SLC35F3: variants seen among roughly 807,000 people sequenced by gnomAD.
SLC35F3 encodes the protein putative thiamine transporter SLC35F3.
In SLC35F3, 25 loss-of-function variants were observed where a neutral mutation model predicts 49.9. That is an observed-to-expected ratio of 0.50 (90% CI 0.37 to 0.70). The LOEUF (loss-of-function observed/expected upper bound fraction) is 0.70, where lower values mean the gene tolerates loss of function less well. Among genes scored for constraint, SLC35F3 ranks in the 30% least tolerant of loss-of-function variants. The pLI is 0.00. For synonymous variants in SLC35F3, 275 were observed against 265.4 expected, an observed-to-expected ratio of 1.04 and a Z score of -0.35; for missense variants, 525 against 639.8, an observed-to-expected ratio of 0.82 and a Z score of 1.94.
chr1:234,138,009 A>G (rs2102901562), intron 2 of SLC35F3, among the ~76,000 whole-genome samples: 1 of 152,294 alleles, frequency 6.6e-6, no homozygotes, highest in South Asian at 2.1e-4. Flanking sequence ...TTAATAAGAA[A>G]GTTGCCAACA....
chr1:234,294,861 G>A (rs1256718309), intron 3 of SLC35F3, among the ~76,000 whole-genome samples: 1 of 152,120 alleles, frequency 6.6e-6, no homozygotes, highest in East Asian at 1.9e-4. Context: ...GTGGGAGGGA[G>A]GGAGGCACAG....
intron 3 of SLC35F3, among the ~76,000 whole-genome samples, chr1:234,281,084 C>G (rs1436736814): frequency 6.6e-6 from 1 of 150,824 alleles, no homozygotes; most frequent in Non-Finnish European, 1.5e-5. Context: ...AATTGTGTCC[C>G]CCCCCCATGC....
At position 234,032,681 on chromosome 1, in the gene SLC35F3, A is replaced by T. The variant is rs140501771; in HGVS notation, c.283+126923A>T. 3.9e-4 allele frequency among the ~76,000 whole-genome samples: 59 copies of T among 152,326 alleles called. 1 individual carries two copies. In the East Asian group the frequency reaches 5.2e-3, roughly 13 times the overall value. On this transcript the variant is annotated intron_variant, in intron 2 of 7. Coordinates refer to ENST00000366618, the MANE Select transcript of SLC35F3 (RefSeq NM_173508.4). The stretch of plus-strand genomic sequence containing the variant: ...TTCCATCCAAGTTGCTGCAAATGCC[A>T]TTATTTCATTCCTTTTTGTGGCTGA...
intron 2 of SLC35F3, among the ~76,000 whole-genome samples, chr1:233,995,131 C>T (rs186302431): frequency 4.5e-4 from 68 of 152,262 alleles, no homozygotes; most frequent in Non-Finnish European, 7.4e-4. Flanking sequence ...AAATGTTAAC[C>T]GTCATCAACA....
intron 2 of SLC35F3, among the ~76,000 whole-genome samples, chr1:233,994,184 T>C (rs1432818327): frequency 1.3e-5 from 2 of 152,208 alleles, no homozygotes; most frequent in East Asian, 1.9e-4. Flanking sequence ...AGAGTAGCAA[T>C]TATATTAATG....
chr1:234,323,184 G>C lies in SLC35F3; in HGVS notation c.1414G>C (p.Asp472His). The C allele has an allele frequency of 6.2e-7, 1 of 1,614,132 alleles. No individual in the cohort carries two copies. The highest frequency in any genetic ancestry group is 1.7e-5 in the Admixed American group (1 of 60,028). Residue 472 changes from aspartate to histidine, a missense_variant, in exon 8 of 8, where the codon GAC becomes CAC. Transcript: ENST00000366618. This position sits in a 1 kb window ranked among gnomAD's most constrained non-coding sequence, Gnocchi z 4.5. Reference protein sequence around the residue: ...KKEEPAEGAADLSSGPQSKNR... With the variant: ...KKEEPAEGAAHLSSGPQSKNR... ...GGAGGAGCCTGCAGAGGGCGCTGCC[G>C]ACCTGAGCTCAGGACCTCAGAGCAA...
chr1:234,233,543 T>A (rs1667417235), intron 3 of SLC35F3, among the ~76,000 whole-genome samples: 2 of 152,240 alleles, frequency 1.3e-5, no homozygotes, highest in African/African-American at 4.8e-5. Flanking sequence ...ACCATTAAAC[T>A]ATTGTGCTGA....
At chr1:233,937,935 A>G (rs945585616) in intron 2 of SLC35F3, among the ~76,000 whole-genome samples, 1 of 152,130 alleles carries the variant, frequency 6.6e-6, no homozygotes, top group Non-Finnish European at 1.5e-5. Flanking sequence ...ATGTTCAGGT[A>G]GTGATGTCCG....
chr1:234,217,586 T>TGAGGGGGGCCTTTCTGA (rs1195327208), intron 2 of SLC35F3, among the ~76,000 whole-genome samples: 1 of 150,894 alleles, frequency 6.6e-6, no homozygotes. Flanking sequence ...GAATACTTTC[T>TGAGGGGGGCCTTTCTGA]GAGGGGGGCC....
At chr1:234,121,389 C>T (rs979223755) in intron 2 of SLC35F3, among the ~76,000 whole-genome samples, 1 of 151,938 alleles carries the variant, frequency 6.6e-6, no homozygotes, top group Non-Finnish European at 1.5e-5. Flanking sequence ...CCGCCCGCCT[C>T]GGCCTCCCAA....
rs1301695596 is a variant in SLC35F3 at position 234,231,294 on chromosome 1, T to C, written c.284-123T>C. 2 of 809,632 alleles carry C rather than the reference T, an allele frequency of 2.5e-6. No individual in the cohort carries two copies. Among genetic ancestry groups the C allele is most frequent in the Non-Finnish European group, 3.8e-6 (2 of 532,682 alleles). 50.2% of individuals were successfully genotyped at this position (809,632 alleles called of 1,614,324 possible). ...ACACAGCCGCCCTGGAAGCCGCCCC[T>C]GCACCCGCTATCTCCCCGGGCCCCC... On this transcript the variant is annotated intron_variant, in intron 2 of 7. Coordinates refer to ENST00000366618, the MANE Select transcript of SLC35F3 (RefSeq NM_173508.4). This position sits in a 1 kb window ranked among gnomAD's most constrained non-coding sequence, Gnocchi z 5.4.
intron 2 of SLC35F3, among the ~76,000 whole-genome samples, chr1:234,167,787 A>C (rs1292799430): frequency 1.3e-5 from 2 of 152,138 alleles, no homozygotes; most frequent in Non-Finnish European, 1.5e-5. Flanking sequence ...CATTGATCCC[A>C]TTCTACAGAT....
At chr1:234,199,055 C>CA (rs58267652) in intron 2 of SLC35F3, among the ~76,000 whole-genome samples, 5,493 of 137,714 alleles carry the variant, frequency 0.04, 163 homozygotes, top group Admixed American at 0.096. Context: ...CTTATTTCTA[C>CA]AAAAAAAAAA....
chr1:234,206,468 G>T (rs895879137), intron 2 of SLC35F3, among the ~76,000 whole-genome samples: 1 of 134,956 alleles, frequency 7.4e-6, no homozygotes, highest in Non-Finnish European at 1.6e-5. Context: ...CTGGGGGTGG[G>T]GGGGACTATT....
At chr1:233,985,414 T>G (rs1292724537) in intron 2 of SLC35F3, among the ~76,000 whole-genome samples, 3 of 152,240 alleles carry the variant, frequency 2.0e-5, no homozygotes, top group Non-Finnish European at 4.4e-5. Flanking sequence ...GATCTTATTT[T>G]TATTGAATCT....
At chr1:233,966,975 G>A (rs1358243113) in intron 2 of SLC35F3, among the ~76,000 whole-genome samples, 1 of 152,152 alleles carries the variant, frequency 6.6e-6, no homozygotes, top group Admixed American at 6.5e-5. Flanking sequence ...TGCATCTGTG[G>A]AACTTCTACA....
chr1:234,052,089 G>C (rs1664386257), intron 2 of SLC35F3, among the ~76,000 whole-genome samples: 1 of 152,154 alleles, frequency 6.6e-6, no homozygotes, highest in African/African-American at 2.4e-5. Flanking sequence ...AGGGATATTG[G>C]TCTAAAATTA....
chr1:233,909,855 G>A (rs1175235920), intron 2 of SLC35F3, among the ~76,000 whole-genome samples: 4 of 152,190 alleles, frequency 2.6e-5, no homozygotes, highest in Non-Finnish European at 4.4e-5. Context: ...CCAAATTTAT[G>A]CTGCAATAGA....
At chr1:234,176,583 A>T (rs1666478868) in intron 2 of SLC35F3, among the ~76,000 whole-genome samples, 1 of 152,196 alleles carries the variant, frequency 6.6e-6, no homozygotes, top group African/African-American at 2.4e-5. Flanking sequence ...TGAGATGGTC[A>T]CTAGACTCAC....
Sources: allele counts gnomAD v4.1 joint callset (sites outside exome capture counted in the v4.1 genomes callset), GRCh38; gene constraint gnomAD v4.1.1; non-coding constraint Gnocchi (gnomAD v3.1); transcripts MANE v1.5; gene names NCBI Gene and HGNC (gene_info 2026-07-23, HGNC 2026-07-21).